APLF: variants seen among roughly 807,000 people sequenced by gnomAD.
The protein encoded by APLF is aprataxin and PNK-like factor.
APLF carries 61 observed loss-of-function variants against 55.6 expected under a neutral mutation model. That is an observed-to-expected ratio of 1.10 (90% confidence interval 0.89 to 1.36). APLF has a LOEUF of 1.36. Among genes scored for constraint, APLF ranks in the 40% most tolerant of loss-of-function variants. APLF has a pLI of 0.00. For synonymous variants in APLF, 207 were observed against 214.8 expected, an observed-to-expected ratio of 0.96 and a Z score of 0.32; for missense variants, 611 against 602.5, an observed-to-expected ratio of 1.01 and a Z score of -0.15.
chr2:68,510,871 ACAAC>A (rs1677028858), intron 3 of APLF, among the ~76,000 whole-genome samples: 1 of 151,862 alleles, frequency 6.6e-6, no homozygotes, highest in Non-Finnish European at 1.5e-5. Flanking sequence ...TACATATGCT[ACAAC>A]ACAGGTGAAT....
chr2:68,567,440 T>C, intron 9 of APLF, 53 bp downstream of exon 9: 1 of 1,348,500 alleles, frequency 7.4e-7, no homozygotes, highest in South Asian at 1.4e-5. Context: ...ATGATTTTCC[T>C]ATTAAACCTA....
Position 68,522,507 on chromosome 2 carries a change from G to T in APLF, c.623-3554G>T, listed in dbSNP as rs528222396. ...ATTTTTCTTTATGTATGCCTTCTAT[G>T]TGAGATTTTAATGTTAGAGCACTGA... is the stretch of plus-strand genomic sequence containing the variant. On this transcript the variant is annotated intron_variant, in intron 5 of 9. Transcript: ENST00000303795. Among the ~76,000 whole-genome samples, 7 of 151,872 alleles carry T rather than the reference G, an allele frequency of 4.6e-5. No individual in the cohort carries two copies. In the South Asian group the frequency reaches 1.2e-3, roughly 27 times the overall value.
chr2:68,544,535 A>G (rs147600622), intron 7 of APLF, among the ~76,000 whole-genome samples: 4 of 152,202 alleles, frequency 2.6e-5, no homozygotes, highest in Non-Finnish European at 4.4e-5. Context: ...TATTATGATA[A>G]TATGTAAAGG....
chr2:68,532,253 A>C (rs957893440), intron 6 of APLF, among the ~76,000 whole-genome samples: 5 of 152,256 alleles, frequency 3.3e-5, no homozygotes, highest in Admixed American at 1.3e-4. Context: ...TGCCAGCTAC[A>C]AAAAACTAAC....
intron 5 of APLF, among the ~76,000 whole-genome samples, chr2:68,517,626 A>G (rs1669659671): frequency 1.4e-5 from 2 of 141,104 alleles, no homozygotes; most frequent in Non-Finnish European, 3.1e-5. Flanking sequence ...TGTTATTAAC[A>G]TGTAACAATA....
chr2:68,537,593 C>A (rs1670429874), intron 6 of APLF, among the ~76,000 whole-genome samples: 1 of 152,150 alleles, frequency 6.6e-6, no homozygotes, highest in African/African-American at 2.4e-5. Flanking sequence ...TGGTCTCAAA[C>A]TCCTGACCTC....
At chr2:68,574,823 A>G (rs1282955024) in intron 9 of APLF, among the ~76,000 whole-genome samples, 1 of 152,206 alleles carries the variant, frequency 6.6e-6, no homozygotes, top group Non-Finnish European at 1.5e-5. Context: ...AATTCATTAT[A>G]TTGACTGGCA....
At chr2:68,527,609 C>G (rs542797069) in intron 6 of APLF, among the ~76,000 whole-genome samples, 114 of 150,396 alleles carry the variant, frequency 7.6e-4, no homozygotes, top group African/African-American at 2.7e-3. Context: ...GTCCTCGATT[C>G]GCAGACAGGA....
chr2:68,479,060 A>G (rs1490319853), intron 1 of APLF, among the ~76,000 whole-genome samples: 1 of 152,164 alleles, frequency 6.6e-6, no homozygotes, highest in East Asian at 1.9e-4. Context: ...GGCCACCCAG[A>G]GCCCCATGAG....
At chr2:68,571,254 C>T (rs182899632) in intron 9 of APLF, among the ~76,000 whole-genome samples, 8 of 152,040 alleles carry the variant, frequency 5.3e-5, no homozygotes, top group African/African-American at 1.9e-4. Context: ...TGCCTGTTCA[C>T]TCTGATGGTA....
chr2:68,558,834 T>G (rs1671087586), intron 8 of APLF, among the ~76,000 whole-genome samples: 1 of 152,094 alleles, frequency 6.6e-6, no homozygotes, highest in Non-Finnish European at 1.5e-5. Context: ...CCAGTGTGTG[T>G]TGTTCCCCCC....
At chr2:68,547,472 T>C (rs1191199644) in intron 8 of APLF, among the ~76,000 whole-genome samples, 1 of 151,764 alleles carries the variant, frequency 6.6e-6, no homozygotes, top group Non-Finnish European at 1.5e-5. Flanking sequence ...TACTTTATAG[T>C]TACTAAAGCA....
Position 68,526,108 on chromosome 2 carries a change from T to A in APLF, c.670T>A (p.Ser224Thr), listed in dbSNP as rs35002937. The A allele has an allele frequency of 0.15, 234,490 of 1,613,128 alleles. 24,402 individuals carry two copies. The highest frequency in any genetic ancestry group is 0.55 in the African/African-American group (41,269 of 74,866). Residue 224 changes from serine to threonine, a missense_variant, in exon 6 of 10, where the codon TCC becomes ACC. Ser to Thr is a moderately conservative substitution (Grantham distance 58). Coordinates refer to ENST00000303795, the MANE Select transcript of APLF (RefSeq NM_173545.3). ...AAAAGAAGAAATCTGCAAAGATAAA[T>A]CCCAGCTAAACACAACCCAGCAAGG... The part of the protein sequence containing the change: ...SGKEEICKDK[S>T]QLNTTQQGRR...
intron 2 of APLF, among the ~76,000 whole-genome samples, chr2:68,501,878 C>G (rs1182721563): frequency 6.6e-6 from 1 of 152,030 alleles, no homozygotes; most frequent in Non-Finnish European, 1.5e-5. Context: ...AACAGAATAC[C>G]TGAGGCTAGG....
chr2:68,505,998 A>G (rs1414544363), intron 3 of APLF, among the ~76,000 whole-genome samples: 1 of 151,948 alleles, frequency 6.6e-6, no homozygotes, highest in Non-Finnish European at 1.5e-5. Flanking sequence ...CCTCATTAAC[A>G]TACATTCAGG....
At chr2:68,510,886 C>A (rs1235583722) in intron 3 of APLF, among the ~76,000 whole-genome samples, 2 of 151,764 alleles carry the variant, frequency 1.3e-5, no homozygotes, top group Non-Finnish European at 2.9e-5. Context: ...ACAGGTGAAT[C>A]TTGAAACATT....
rs1671702800 is a variant in APLF, at chr2:68,579,204, C to A, written c.*1182C>A. The A allele has an allele frequency of 1.3e-6, 1 of 745,114 alleles. No individual in the cohort carries two copies. The highest frequency in any genetic ancestry group is 1.6e-6 in the Non-Finnish European group (1 of 611,226). 46.2% of individuals were successfully genotyped at this position (745,114 alleles called of 1,614,324 possible). ...TTCTCATTGCTTTAAAATATATCTC[C>A]CAGTAATTATACAATATTTAATATT... On this transcript the variant is annotated 3_prime_UTR_variant, in exon 10 of 10. Transcript: ENST00000303795.
At chr2:68,516,817 T>G (rs372813080) in intron 5 of APLF, among the ~76,000 whole-genome samples, 327 of 143,704 alleles carry the variant, frequency 2.3e-3, no homozygotes, top group East Asian at 4.9e-3. Context: ...TGTATATATA[T>G]AGAGAGAACA....
intron 2 of APLF, among the ~76,000 whole-genome samples, chr2:68,494,635 T>G (rs1676482257): frequency 6.6e-6 from 1 of 152,170 alleles, no homozygotes; most frequent in African/African-American, 2.4e-5. Context: ...CTATTCTTCC[T>G]GATGTTCTCC....
Sources: allele counts gnomAD v4.1 joint callset (sites outside exome capture counted in the v4.1 genomes callset), GRCh38; gene constraint gnomAD v4.1.1; transcripts MANE v1.5; gene names NCBI Gene and HGNC (gene_info 2026-07-23, HGNC 2026-07-21).